The following RRAGD variants were observed in gnomAD, a reference collection of about 807,000 sequenced individuals.
The protein encoded by RRAGD is ras-related GTP-binding protein D.
Under a neutral mutation model 35.5 loss-of-function variants are expected in RRAGD, and 12 were observed. The observed-to-expected ratio is 0.34, with a 90% CI of 0.22 to 0.55. RRAGD has a LOEUF of 0.55. Among genes scored for constraint, RRAGD ranks in the 20% least tolerant of loss-of-function variants. RRAGD has a pLI of 0.91. For synonymous variants in RRAGD, 155 were observed against 178.9 expected (o/e 0.87, Z 1.07); for missense variants, 324 against 490.1 (o/e 0.66, Z 3.20).
At chr6:89,392,941 A>C (rs1300758862) in intron 1 of RRAGD, among the ~76,000 whole-genome samples, 1 of 152,238 alleles carries the variant, frequency 6.6e-6, no homozygotes, top group African/African-American at 2.4e-5. Flanking sequence ...TATAGGCAGT[A>C]ATGTGGAAGC....
chr6:89,403,167 C>A (rs58377404), intron 1 of RRAGD, among the ~76,000 whole-genome samples: 3,315 of 152,234 alleles, frequency 0.022, 121 homozygotes, highest in African/African-American at 0.075. Context: ...GTCGGCCGGG[C>A]GCGGTGGCTC....
chr6:89,392,042 TG>T (rs1204151642), intron 1 of RRAGD, among the ~76,000 whole-genome samples: 2 of 151,930 alleles, frequency 1.3e-5, no homozygotes, highest in Non-Finnish European at 2.9e-5. Context: ...CATTGAGCTC[TG>T]TACTTTAAAA....
chr6:89,380,506 A>C (rs12055442), intron 2 of RRAGD, 139 bp from the exon 3 acceptor site: 2 of 664,588 alleles, frequency 3.0e-6, no homozygotes, highest in Admixed American at 3.0e-5. Context: ...CTGGCTTCTT[A>C]TAATTCCAGT....
At chr6:89,408,677 G>T (rs915732032) in intron 1 of RRAGD, among the ~76,000 whole-genome samples, 4 of 152,138 alleles carry the variant, frequency 2.6e-5, no homozygotes, top group Non-Finnish European at 5.9e-5. Flanking sequence ...GAACTTCACT[G>T]GACTGTGGGT....
chr6:89,404,519 AC>A (rs975591766), intron 1 of RRAGD, among the ~76,000 whole-genome samples: 18 of 152,158 alleles, frequency 1.2e-4, no homozygotes, highest in African/African-American at 4.1e-4. Context: ...TGCTATCAAT[AC>A]CCAGATTTTC....
At chr6:89,390,661 G>A (rs570964761) in intron 1 of RRAGD, among the ~76,000 whole-genome samples, 1 of 152,344 alleles carries the variant, frequency 6.6e-6, no homozygotes, top group South Asian at 2.1e-4. Context: ...ACTTTGAGAG[G>A]TCAAGGCAGG....
intron 5 of RRAGD, among the ~76,000 whole-genome samples, chr6:89,374,594 G>T (rs1220620303): frequency 6.6e-6 from 1 of 152,070 alleles, no homozygotes; most frequent in Non-Finnish European, 1.5e-5. Flanking sequence ...GCTAGGCGTG[G>T]TAGTGCATGC....
At chr6:89,372,367 A>G in intron 6 of RRAGD, 70 bp downstream of exon 6, 3 of 1,493,934 alleles carry the variant, frequency 2.0e-6, no homozygotes, top group Non-Finnish European at 2.7e-6. Context: ...CCCACATTCA[A>G]CAAACAATAC....
At chr6:89,380,049 G>C in intron 3 of RRAGD, 119 bp downstream of exon 3, 1 of 830,890 alleles carries the variant, frequency 1.2e-6, no homozygotes, top group Admixed American at 2.0e-5. Flanking sequence ...TCTACAGCAT[G>C]AAACAGGGTA....
chr6:89,412,083 A>G lies in RRAGD; in HGVS notation c.-90T>C, dbSNP rs1769716375. On this transcript the variant is annotated 5_prime_UTR_variant, in exon 1 of 7. Coordinates refer to ENST00000369415, the MANE Select transcript of RRAGD (RefSeq NM_021244.5). The surrounding 1 kb of genome is among the most constrained non-coding windows in gnomAD (Gnocchi z 4.2). The stretch of plus-strand genomic sequence containing the variant: ...CCGGCCGCCCGCAGCCTATTTCTGA[A>G]GCGGAGGTTTGTCTAGAGCTCAGCG... 7.5e-7 allele frequency: 1 copy of G among 1,337,964 alleles called. No individual in the cohort carries two copies. Among genetic ancestry groups the G allele is most frequent in the South Asian group, 1.5e-5 (1 of 68,074 alleles). The allele number at this position is 1,337,964 out of a possible 1,614,324, so 82.9% of individuals were successfully genotyped here.
intron 6 of RRAGD, 91 bp downstream of exon 6, chr6:89,372,346 G>A (rs1295911026): frequency 5.1e-6 from 7 of 1,365,046 alleles, no homozygotes; most frequent in Non-Finnish European, 7.0e-6. Context: ...CGAGGGCTAT[G>A]CTGTTGTCCA....
In RRAGD at chr6:89,412,038, G is replaced by C. The variant is rs775649043; in HGVS notation, c.-45C>G. ...GCCCGGGGACGGCGGGGGTCCCGGG[G>C]TGGGGGCCAAGCCTCCTAGCCGGCC... On this transcript the variant is annotated 5_prime_UTR_variant, in exon 1 of 7. Coordinates refer to ENST00000369415, the MANE Select transcript of RRAGD (RefSeq NM_021244.5). This position sits in a 1 kb window ranked among gnomAD's most constrained non-coding sequence, Gnocchi z 4.2. 36 of 1,509,036 alleles carry C rather than the reference G, an allele frequency of 2.4e-5. No individual in the cohort carries two copies. The highest frequency in any genetic ancestry group is 7.9e-6 in the Non-Finnish European group (9 of 1,133,404). 93.5% of individuals were successfully genotyped at this position (1,509,036 alleles called of 1,614,324 possible). A position where few individuals can be genotyped will look rare whatever the true frequency, so the allele number is the denominator to read the frequency against.
At chr6:89,401,214 T>C (rs947125924) in intron 1 of RRAGD, among the ~76,000 whole-genome samples, 6 of 151,698 alleles carry the variant, frequency 4.0e-5, no homozygotes, top group Non-Finnish European at 8.8e-5. Context: ...GAATGCAGTT[T>C]GAAGGCAAGA....
At chr6:89,399,835 C>A (rs550703403) in intron 1 of RRAGD, among the ~76,000 whole-genome samples, 2 of 149,746 alleles carry the variant, frequency 1.3e-5, no homozygotes, top group African/African-American at 5.0e-5. Flanking sequence ...AACTCCTACG[C>A]TCAAGTGATC....
At chr6:89,407,692 A>G (rs1769609939) in intron 1 of RRAGD, among the ~76,000 whole-genome samples, 2 of 152,168 alleles carry the variant, frequency 1.3e-5, no homozygotes, top group Admixed American at 1.3e-4. Flanking sequence ...TGTCTGTGCT[A>G]AAAGTGAAAT....
rs2127900868 is a variant in RRAGD, at chr6:89,411,291, G to A, written c.148+555C>T. ...TCTCGGAGACTCCCACAACAGCTTG[G>A]CGAGCATCCCCCCGCCGCCCCGCGG... On this transcript the variant is annotated intron_variant, in intron 1 of 6. Transcript: ENST00000369415. The surrounding 1 kb of genome is among the most constrained non-coding windows in gnomAD (Gnocchi z 5.6). 1 of 152,502 alleles carries A rather than the reference G, an allele frequency of 6.6e-6. No homozygotes were observed. The highest frequency in any genetic ancestry group is 2.0e-4 in the South Asian group (1 of 4,882). 9.4% of individuals were successfully genotyped at this position (152,502 alleles called of 1,614,324 possible). A position where few individuals can be genotyped will look rare whatever the true frequency, so the allele number is the denominator to read the frequency against.
chr6:89,400,855 C>T (rs117814994), intron 1 of RRAGD, among the ~76,000 whole-genome samples: 222 of 152,250 alleles, frequency 1.5e-3, no homozygotes, highest in Non-Finnish European at 2.7e-3. Context: ...TTCAAAAATC[C>T]GCTACAGGAG....
chr6:89,381,402 G>C (rs9451212), intron 2 of RRAGD, among the ~76,000 whole-genome samples: 62,331 of 151,900 alleles, frequency 0.41, 12,977 homozygotes, highest in South Asian at 0.5. Flanking sequence ...ATGAACACCT[G>C]TGTATTTATC....
chr6:89,400,837 G>A (rs1207754051), intron 1 of RRAGD, among the ~76,000 whole-genome samples: 3 of 152,104 alleles, frequency 2.0e-5, no homozygotes, highest in South Asian at 2.1e-4. Context: ...GCAATCGGGG[G>A]ACAAGTCTTC....
Sources: gnomAD v4.1 joint callset for allele counts (sites outside exome capture counted in the v4.1 genomes callset) on GRCh38, gnomAD v4.1.1 for gene constraint, Gnocchi (gnomAD v3.1) non-coding constraint, MANE v1.5 for transcripts, NCBI Gene and HGNC (gene_info 2026-07-23, HGNC 2026-07-21) for gene names.